PGBD1: variants seen among roughly 807,000 people sequenced by gnomAD.
PGBD1 encodes piggyBac transposable element-derived protein 1.
Under a neutral mutation model 34.7 loss-of-function variants are expected in PGBD1, and 25 were observed. The ratio of observed to expected loss-of-function variants is 0.72; its 90% CI spans 0.52 to 1.00. The LOEUF is 1.00. Ranked by LOEUF, PGBD1 falls within the 50% of genes least tolerant of loss-of-function variation. The pLI, the probability that PGBD1 is intolerant of heterozygous loss-of-function variation, is 0.00. For synonymous variants in PGBD1, 292 were observed against 335.7 expected (o/e 0.87, Z 1.42); for missense variants, 830 against 959.4 (o/e 0.87, Z 1.78).
rs1448331992 is a variant in PGBD1 at position 28,300,609 on chromosome 6, A to G, written c.870-115A>G. The G allele has an allele frequency of 4.1e-6, 5 of 1,206,162 alleles. No homozygotes were observed. The highest frequency in any genetic ancestry group is 5.7e-6 in the Non-Finnish European group (5 of 879,494). 74.7% of individuals were successfully genotyped at this position (1,206,162 alleles called of 1,614,324 possible). On this transcript the variant is annotated intron_variant, in intron 6 of 6. Transcript: ENST00000682144. The surrounding 1 kb of genome is among the most constrained non-coding windows in gnomAD (Gnocchi z 4.0). ...CCATGGAAACTTAAGAGAAATAAGTAAGTATCCCCCCACACCCACCCCAAG... is the reference window on the plus strand; with the variant it reads ...CCATGGAAACTTAAGAGAAATAAGTGAGTATCCCCCCACACCCACCCCAAG...
chr6:28,283,680 C>A, intron 1 of PGBD1, 96 bp from the exon 2 acceptor site: 1 of 1,160,346 alleles, frequency 8.6e-7, no homozygotes, highest in South Asian at 1.7e-5. Flanking sequence ...ACAGTGGGGA[C>A]AAAAATGTAA....
chr6:28,293,324 A>G (rs1248780798), intron 4 of PGBD1, among the ~76,000 whole-genome samples: 1 of 152,200 alleles, frequency 6.6e-6, no homozygotes, highest in African/African-American at 2.4e-5. Flanking sequence ...AGATAATACA[A>G]TTCTGTTGTT....
intron 6 of PGBD1, 71 bp downstream of exon 6, chr6:28,298,062 A>G: frequency 9.2e-7 from 1 of 1,088,178 alleles, no homozygotes; most frequent in Non-Finnish European, 1.4e-6. Flanking sequence ...CAGAGAAACC[A>G]ATTGGTCAAA....
In PGBD1 at chr6:28,287,156, A is replaced by C. The variant is rs1241074588; in HGVS notation, c.630A>C (p.Pro210=). ...RDKAVVPVFN[P]VRSQTLVKTE... ...AGGCTGTAGTGCCTGTGTTTAACCC[A>C]GTCAGGTCCCAGGTAAGTAGGATGC... is the stretch of plus-strand genomic sequence containing the variant. Residue 210 remains proline (P), a synonymous_variant, in exon 4 of 7, where the codon CCA becomes CCC. Coordinates refer to ENST00000682144, the MANE Select transcript of PGBD1 (RefSeq NM_032507.4). 1 of 1,613,210 alleles carries C rather than the reference A, an allele frequency of 6.2e-7. No homozygotes were observed. The highest frequency in any genetic ancestry group is 1.7e-5 in the Admixed American group (1 of 59,988).
intron 3 of PGBD1, 41 bp downstream of exon 3, chr6:28,285,748 G>A (rs764101815): frequency 2.9e-5 from 46 of 1,586,562 alleles, no homozygotes; most frequent in Admixed American, 3.5e-5. Context: ...CTGGGAGCTG[G>A]CCACTGACAC....
intron 4 of PGBD1, among the ~76,000 whole-genome samples, chr6:28,291,946 C>A (rs1285321736): frequency 6.6e-6 from 1 of 152,044 alleles, no homozygotes; most frequent in African/African-American, 2.4e-5. Context: ...AAGGAACATA[C>A]CTCAAAATAA....
At position 28,297,915 on chromosome 6, in the gene PGBD1, G is replaced by C. The variant is rs1762708664; in HGVS notation, c.793G>C (p.Asp265His). The change falls in exon 6 of 7, where the codon GAT (aspartate) becomes CAT (histidine). Residue 265 changes from aspartate (D) to histidine (H), a missense_variant. Around this residue, in one of 3 missense-constraint regions of PGBD1, gnomAD observed 457 missense variants for 515.4 expected, o/e 0.89. Coordinates refer to ENST00000682144, the MANE Select transcript of PGBD1 (RefSeq NM_032507.4). ...SPMTEEIVTKDRLFKAKQETS... is the reference protein window; with the variant it reads ...SPMTEEIVTKHRLFKAKQETS... ...TTTAGCTGAAGAAATTGTAACTAAA[G>C]ATAGATTGTTTAAAGCAAAGCAAGA... 7.2e-7 allele frequency: 1 copy of C among 1,390,470 alleles called. No homozygotes were observed. The highest frequency in any genetic ancestry group is 1.1e-5 in the South Asian group (1 of 87,410). The allele number at this position is 1,390,470 out of a possible 1,614,324, so 86.1% of individuals were successfully genotyped here.
At position 28,287,926 on chromosome 6, in the gene PGBD1, A is replaced by G. The variant is rs544928197; in HGVS notation, c.642+758A>G. The stretch of plus-strand genomic sequence containing the variant: ...ATTCCCTTAAATGTAATTTAATGGT[A>G]TAATGTAGAAACAAAAAAGTTATTT... On this transcript the variant is annotated intron_variant, in intron 4 of 6. Transcript: ENST00000682144. Among the ~76,000 whole-genome samples, 5 of 152,356 alleles carry G rather than the reference A, an allele frequency of 3.3e-5. No homozygotes were observed. The South Asian group carries it at 1.0e-3, about 32-fold the overall frequency.
chr6:28,288,150 A>T (rs771321463), intron 4 of PGBD1, among the ~76,000 whole-genome samples: 15 of 152,212 alleles, frequency 9.9e-5, no homozygotes, highest in Non-Finnish European at 1.8e-4. Context: ...GTCAGATAAT[A>T]CAAGACTAGA....
At chr6:28,289,232 G>T (rs1194693060) in intron 4 of PGBD1, among the ~76,000 whole-genome samples, 1 of 152,106 alleles carries the variant, frequency 6.6e-6, no homozygotes, top group Non-Finnish European at 1.5e-5. Context: ...GCTCCAACTT[G>T]TCTGGCAATA....
chr6:28,296,985 C>T (rs747548029), intron 5 of PGBD1, 40 bp downstream of exon 5: 23 of 1,610,576 alleles, frequency 1.4e-5, no homozygotes, highest in South Asian at 1.2e-4. Context: ...TCTGGACTCT[C>T]ATTTTCCTGT....
intron 4 of PGBD1, among the ~76,000 whole-genome samples, chr6:28,288,311 C>T (rs2113745959): frequency 6.6e-6 from 1 of 152,312 alleles, no homozygotes; most frequent in African/African-American, 2.4e-5. Flanking sequence ...TTTTGTGTTG[C>T]TAATAACAGA....
chr6:28,300,656 G>A lies in PGBD1; in HGVS notation c.870-68G>A. On this transcript the variant is annotated intron_variant, in intron 6 of 6. Coordinates refer to ENST00000682144, the MANE Select transcript of PGBD1 (RefSeq NM_032507.4). This position sits in a 1 kb window ranked among gnomAD's most constrained non-coding sequence, Gnocchi z 4.0. The stretch of plus-strand genomic sequence containing the variant: ...CAAGCCCCAAAAGATTTAAGCTTCA[G>A]CAGATTTATCATGTGTGAGAGAATA... 2 of 1,503,870 alleles carry A rather than the reference G, an allele frequency of 1.3e-6. No homozygotes were observed. Among genetic ancestry groups the A allele is most frequent in the Non-Finnish European group, 1.8e-6 (2 of 1,120,416 alleles). 93.2% of individuals were successfully genotyped at this position (1,503,870 alleles called of 1,614,324 possible).
Position 28,300,665 on chromosome 6 carries a change from T to C in PGBD1, c.870-59T>C. On this transcript the variant is annotated intron_variant, in intron 6 of 6. Transcript: ENST00000682144. This position sits in a 1 kb window ranked among gnomAD's most constrained non-coding sequence, Gnocchi z 4.0. Reference sequence around the variant, plus strand: ...AAAGATTTAAGCTTCAGCAGATTTATCATGTGTGAGAGAATATGATTGAGG... The same window carrying C: ...AAAGATTTAAGCTTCAGCAGATTTACCATGTGTGAGAGAATATGATTGAGG... The C allele has an allele frequency of 6.5e-7, 1 of 1,529,778 alleles. No individual in the cohort carries two copies. The highest frequency in any genetic ancestry group is 8.8e-7 in the Non-Finnish European group (1 of 1,137,888). The allele number at this position is 1,529,778 out of a possible 1,614,324, so 94.8% of individuals were successfully genotyped here.
At position 28,286,970 on chromosome 6, in the gene PGBD1, T is replaced by A. The variant is rs921517489; in HGVS notation, c.554-110T>A. The A allele has an allele frequency of 1.1e-5, 9 of 796,186 alleles. No individual in the cohort carries two copies. In the African/African-American group the frequency reaches 1.2e-4, roughly 11 times the overall value. 49.3% of individuals were successfully genotyped at this position (796,186 alleles called of 1,614,324 possible). On this transcript the variant is annotated intron_variant, in intron 3 of 6. Coordinates refer to ENST00000682144, the MANE Select transcript of PGBD1 (RefSeq NM_032507.4). Reference sequence around the variant, plus strand: ...CACACTGTAAAATCTACGTCTTAGTTCTTGAATGTTTAACAAACATAACAT... The same window carrying A: ...CACACTGTAAAATCTACGTCTTAGTACTTGAATGTTTAACAAACATAACAT...
intron 4 of PGBD1, among the ~76,000 whole-genome samples, chr6:28,293,745 A>T (rs927266329): frequency 6.6e-6 from 1 of 152,152 alleles, no homozygotes; most frequent in Non-Finnish European, 1.5e-5. Context: ...AAAATGTCAG[A>T]CCTAATCAAT....
In PGBD1 at chr6:28,300,733, A is replaced by G. The variant is rs779166431; in HGVS notation, c.879A>G (p.Ala293=). 1 of 1,606,886 alleles carries G rather than the reference A, an allele frequency of 6.2e-7. No homozygotes were observed. Among genetic ancestry groups the G allele is most frequent in the South Asian group, 1.1e-5 (1 of 89,922 alleles). ...EASGKPNREC[A]PQIPCSTPIA... is the part of the protein sequence containing the mutation. ...TTTTTTTCTTTCCCAGAGAGTGTGC[A>G]CCCCAGATTCCTTGTAGTACTCCTA... The change falls in exon 7 of 7, where the codon GCA becomes GCG. Residue 293 remains alanine, a synonymous_variant. Transcript: ENST00000682144. This position sits in a 1 kb window ranked among gnomAD's most constrained non-coding sequence, Gnocchi z 4.0.
rs1762139143 is a variant in PGBD1 at position 28,281,808 on chromosome 6, G to T, written c.-149G>T. 1 of 170,158 alleles carries T rather than the reference G, an allele frequency of 5.9e-6. No homozygotes were observed. The highest frequency in any genetic ancestry group is 2.4e-5 in the African/African-American group (1 of 42,268). 10.5% of individuals were successfully genotyped at this position (170,158 alleles called of 1,614,324 possible). A position where few individuals can be genotyped will look rare whatever the true frequency, so the allele number is the denominator to read the frequency against. ...CCTGGCGCGGTGCTAGATGCTGGGT[G>T]TAATCTCAGAAAAATACATTCAGGG... On this transcript the variant is annotated 5_prime_UTR_variant, in exon 1 of 7. Coordinates refer to ENST00000682144, the MANE Select transcript of PGBD1 (RefSeq NM_032507.4).
rs549146271 is a variant in PGBD1 at position 28,295,679 on chromosome 6, C to A, written c.643-1137C>A. ...ATTAAGATATATACTTTTTTAGACA[C>A]AATGCTTATGTACGATTAATAGACT... On this transcript the variant is annotated intron_variant, in intron 4 of 6. Transcript: ENST00000682144. Among the ~76,000 whole-genome samples the A allele has an allele frequency of 6.6e-5, 10 of 152,286 alleles. No homozygotes were observed. The East Asian group carries it at 1.9e-3, about 29-fold the overall frequency.
Sources: gnomAD v4.1 joint callset for allele counts (sites outside exome capture counted in the v4.1 genomes callset) on GRCh38, gnomAD v4.1.1 for gene constraint, gnomAD v4.1.1 regional missense constraint, Gnocchi (gnomAD v3.1) non-coding constraint, MANE v1.5 for transcripts, NCBI Gene and HGNC (gene_info 2026-07-23, HGNC 2026-07-21) for gene names.